KSR2: variants seen among roughly 807,000 people sequenced by gnomAD.
The protein encoded by KSR2 is kinase suppressor of ras 2.
Under a neutral mutation model 107.8 loss-of-function variants are expected in KSR2, and 25 were observed. That is an observed-to-expected ratio of 0.23 (90% confidence interval 0.17 to 0.32). The LOEUF (loss-of-function observed/expected upper bound fraction) is 0.32. Among genes scored for constraint, KSR2 ranks in the 10% least tolerant of loss-of-function variants. The pLI is 1.00. For synonymous variants in KSR2, 480 were observed against 507.0 expected, an observed-to-expected ratio of 0.95 and a Z score of 0.71; for missense variants, 887 against 1,268.9, an observed-to-expected ratio of 0.70 and a Z score of 4.57.
At chr12:117,488,881 C>T (rs67781496) in intron 14 of KSR2, among the ~76,000 whole-genome samples, 50,671 of 151,684 alleles carry the variant, frequency 0.33, 9,070 homozygotes, top group South Asian at 0.53. Context: ...TCTGCAGTAC[C>T]GTGTCACGGT....
intron 5 of KSR2, among the ~76,000 whole-genome samples, chr12:117,661,589 A>AT (rs1884434119): frequency 6.6e-6 from 1 of 152,230 alleles, no homozygotes; most frequent in African/African-American, 2.4e-5. Flanking sequence ...TTTAAAAAAA[A>AT]CTGCCATATA....
chr12:117,708,265 C>T (rs919812380), intron 4 of KSR2, among the ~76,000 whole-genome samples: 2 of 152,116 alleles, frequency 1.3e-5, no homozygotes, highest in Non-Finnish European at 2.9e-5. Flanking sequence ...AAGTCAGATC[C>T]GGAACTTGAG....
intron 4 of KSR2, among the ~76,000 whole-genome samples, chr12:117,682,594 AT>A (rs1885414332): frequency 6.6e-6 from 1 of 151,650 alleles, no homozygotes; most frequent in Admixed American, 6.6e-5. Flanking sequence ...AATTTTTCAT[AT>A]TTTTAGTGAG....
chr12:117,590,992 C>T (rs1286250441), intron 5 of KSR2, among the ~76,000 whole-genome samples: 1 of 152,134 alleles, frequency 6.6e-6, no homozygotes, highest in Non-Finnish European at 1.5e-5. Flanking sequence ...AGCCAAAATA[C>T]GTATAACCAC....
intron 17 of KSR2, 135 bp from the exon 18 acceptor site, chr12:117,471,455 G>A: frequency 1.1e-6 from 1 of 912,912 alleles, no homozygotes; most frequent in Non-Finnish European, 1.6e-6. Context: ...TCATGGGGTT[G>A]GTATTTTGCC....
rs114981482 is a variant in KSR2 at position 117,922,865 on chromosome 12, T to C, written c.180+45211A>G. The stretch of plus-strand genomic sequence containing the variant: ...GGATTATTCCATTTGGAGATTTGTC[T>C]ACTCACTGAAATTTATTTGTAACCC... On this transcript the variant is annotated intron_variant, in intron 1 of 19. Transcript: ENST00000339824. Among the ~76,000 whole-genome samples the C allele has an allele frequency of 1.5e-3, 227 of 152,316 alleles. 1 individual carries two copies. Among genetic ancestry groups the C allele is most frequent in the African/African-American group, 4.8e-3 (200 of 41,562 alleles).
intron 5 of KSR2, among the ~76,000 whole-genome samples, chr12:117,647,339 C>T (rs1037617675): frequency 1.3e-5 from 2 of 152,172 alleles, no homozygotes; most frequent in Non-Finnish European, 2.9e-5. Context: ...ACACTTTTCA[C>T]TTTTATCCCC....
chr12:117,525,396 T>C (rs1358850967), intron 13 of KSR2, among the ~76,000 whole-genome samples, 177 bp from the exon 14 acceptor site: 1 of 152,184 alleles, frequency 6.6e-6, no homozygotes, highest in Non-Finnish European at 1.5e-5. Context: ...TCTAGAATCA[T>C]ACTACAGTGA....
chr12:117,705,425 T>C (rs1886484523), intron 4 of KSR2, among the ~76,000 whole-genome samples: 1 of 152,156 alleles, frequency 6.6e-6, no homozygotes, highest in Non-Finnish European at 1.5e-5. Flanking sequence ...CACCGGACAA[T>C]GGGTTCAGAG....
chr12:117,885,522 G>T (rs1451144187), intron 1 of KSR2, among the ~76,000 whole-genome samples: 1 of 151,844 alleles, frequency 6.6e-6, no homozygotes, highest in Non-Finnish European at 1.5e-5. Context: ...GTGTGTGTCT[G>T]TTTTTTTATA....
intron 8 of KSR2, among the ~76,000 whole-genome samples, chr12:117,557,173 T>C (rs180914144): frequency 1.2e-3 from 184 of 152,176 alleles, no homozygotes; most frequent in Non-Finnish European, 1.3e-3. Context: ...TCAAAAAACA[T>C]TGAATAAATA....
At chr12:117,951,558 GGACA>G (rs1896365156) in intron 1 of KSR2, among the ~76,000 whole-genome samples, 1 of 152,026 alleles carries the variant, frequency 6.6e-6, no homozygotes, top group Non-Finnish European at 1.5e-5. Flanking sequence ...TAGGGGAGGT[GGACA>G]GACAAAGGGA....
At chr12:117,696,999 C>T (rs961598679) in intron 4 of KSR2, among the ~76,000 whole-genome samples, 2 of 152,078 alleles carry the variant, frequency 1.3e-5, no homozygotes, top group Non-Finnish European at 1.5e-5. Context: ...GAGGGGACAC[C>T]AGCTGCCCCA....
At chr12:117,803,792 C>T (rs531074506) in intron 3 of KSR2, among the ~76,000 whole-genome samples, 1 of 152,236 alleles carries the variant, frequency 6.6e-6, no homozygotes, top group Non-Finnish European at 1.5e-5. Context: ...TGCATTTAAT[C>T]CTCACTACAA....
At chr12:117,712,209 A>G (rs993485507) in intron 4 of KSR2, among the ~76,000 whole-genome samples, 1 of 152,176 alleles carries the variant, frequency 6.6e-6, no homozygotes, top group African/African-American at 2.4e-5. Context: ...TCCATCAGCA[A>G]TAGCCTCATC....
chr12:117,553,013 G>A (rs753375433), intron 9 of KSR2, among the ~76,000 whole-genome samples: 14 of 152,164 alleles, frequency 9.2e-5, no homozygotes, highest in African/African-American at 1.4e-4. Context: ...GATGATTGTC[G>A]TACGCCACTA....
chr12:117,583,962 C>G (rs947472734), intron 5 of KSR2, among the ~76,000 whole-genome samples: 1 of 152,212 alleles, frequency 6.6e-6, no homozygotes, highest in African/African-American at 2.4e-5. Flanking sequence ...CATGTCAGAA[C>G]CTATCACAGA....
Position 117,645,874 on chromosome 12 carries a change from T to C in KSR2, c.1171+21600A>G, listed in dbSNP as rs75749703. Among the ~76,000 whole-genome samples the C allele has an allele frequency of 5.1e-3, 256 of 49,836 alleles. 3 individuals carry two copies. The East Asian group carries it at 0.1, about 20-fold the overall frequency. 32.7% of individuals were successfully genotyped at this position (49,836 alleles called of 152,430 possible). ...GAATGTGCATGTGTATGTGCGTGTG[T>C]GTGTGTGTGTGTGTGTGTGTGTGTG... On this transcript the variant is annotated intron_variant, in intron 5 of 19. Transcript: ENST00000339824.
intron 9 of KSR2, among the ~76,000 whole-genome samples, 198 bp downstream of exon 9, chr12:117,554,971 A>C (rs1877555665): frequency 3.3e-5 from 5 of 152,242 alleles, no homozygotes; most frequent in Non-Finnish European, 7.4e-5. Flanking sequence ...TTTCTAAATA[A>C]GATTTCTGGC....
Sources: gnomAD v4.1 joint callset for allele counts (sites outside exome capture counted in the v4.1 genomes callset) on GRCh38, gnomAD v4.1.1 for gene constraint, MANE v1.5 for transcripts, NCBI Gene and HGNC (gene_info 2026-07-23, HGNC 2026-07-21) for gene names.